The following UNC80 variants were observed in gnomAD, a reference collection of about 807,000 sequenced individuals.
UNC80 encodes the protein protein unc-80 homolog.
In UNC80, 164 loss-of-function variants were observed where a neutral mutation model predicts 384.6. The ratio of observed to expected loss-of-function variants is 0.43; its 90% CI spans 0.38 to 0.49. The LOEUF (loss-of-function observed/expected upper bound fraction) is 0.49. Among genes scored for constraint, UNC80 ranks in the 20% least tolerant of loss-of-function variants. The pLI is 0.00. For missense variants in UNC80, 3,330 were observed against 4,143.0 expected (o/e 0.80, Z 5.39); for synonymous variants, 1,486 against 1,527.8 (o/e 0.97, Z 0.64).
At chr2:209,895,042 A>G (rs2086678041) in intron 27 of UNC80, among the ~76,000 whole-genome samples, 1 of 147,464 alleles carries the variant, frequency 6.8e-6, no homozygotes, top group Non-Finnish European at 1.5e-5. Context: ...ACAATGTGTT[A>G]AACACCTGAG....
chr2:209,976,938 A>C lies in UNC80; in HGVS notation c.8798A>C (p.His2933Pro). ...CTGCTGGCCCAACCAGCAGAGAATC[A>C]TGAAGAGCTTTCCGCCCGGCAACAT... Reference protein sequence around the residue: ...CKLLAQPAENHEELSARQHIA... With the variant: ...CKLLAQPAENPEELSARQHIA... The change falls in exon 58 of 65, where the codon CAT becomes CCT. Residue 2933 changes from histidine (H) to proline (P), a missense_variant. His to Pro is a moderately conservative substitution (Grantham distance 77). Around this residue, in one of 8 missense-constraint regions of UNC80, gnomAD observed 216 missense variants for 245.3 expected, o/e 0.88. Transcript: ENST00000673920. The surrounding 1 kb of genome is among the most constrained non-coding windows in gnomAD (Gnocchi z 4.3). The C allele has an allele frequency of 3.9e-6, 6 of 1,526,276 alleles. No individual in the cohort carries two copies. Among genetic ancestry groups the C allele is most frequent in the Non-Finnish European group, 4.4e-6 (5 of 1,125,920 alleles). The allele number at this position is 1,526,276 out of a possible 1,614,324, so 94.5% of individuals were successfully genotyped here. A position where few individuals can be genotyped will look rare whatever the true frequency, so the allele number is the denominator to read the frequency against.
chr2:209,823,100 G>A (rs2080256734), intron 13 of UNC80, among the ~76,000 whole-genome samples: 1 of 152,118 alleles, frequency 6.6e-6, no homozygotes. Flanking sequence ...CAGAAGCATA[G>A]GAATTGATTA....
At chr2:209,958,056 A>C (rs1044347739) in intron 49 of UNC80, among the ~76,000 whole-genome samples, 3 of 152,194 alleles carry the variant, frequency 2.0e-5, no homozygotes, top group African/African-American at 7.2e-5. Context: ...AAAGGCAAAT[A>C]AACAATAATA....
chr2:209,834,688 T>C (rs567908033), intron 17 of UNC80, among the ~76,000 whole-genome samples: 1 of 152,334 alleles, frequency 6.6e-6, no homozygotes, highest in Non-Finnish European at 1.5e-5. Context: ...TGCTTGCAGT[T>C]AATGACTCTG....
rs562760178 is a variant in UNC80, at chr2:209,873,252, C to A, written c.3840+282C>A. 2.0e-5 allele frequency among the ~76,000 whole-genome samples: 3 copies of A among 152,276 alleles called. No homozygotes were observed. In the South Asian group the frequency reaches 6.2e-4, roughly 32 times the overall value. On this transcript the variant is annotated intron_variant, in intron 23 of 64. Coordinates refer to ENST00000673920, the MANE Select transcript of UNC80 (RefSeq NM_001371986.1). ...TATCTATTAATAGTAAGTAGAGGAA[C>A]CACTATTCCATCTCACAGATTAGAT...
intron 56 of UNC80, 60 bp downstream of exon 56, chr2:209,973,330 A>C (rs1442607489): frequency 7.2e-7 from 1 of 1,379,354 alleles, no homozygotes; most frequent in Non-Finnish European, 9.9e-7. Context: ...GTATGTGAAA[A>C]TATATGTGTA....
Position 209,813,799 on chromosome 2 carries a change from G to A in UNC80, c.1158G>A (p.Met386Ile). Reference sequence around the variant, plus strand: ...TGCCCAGACCCAGGAGTAGCTCCATGGTGGCAGCAGCTCCCTCACTAGTGA... The same window carrying A: ...TGCCCAGACCCAGGAGTAGCTCCATAGTGGCAGCAGCTCCCTCACTAGTGA... The part of the protein sequence containing the change: ...PLLPRPRSSS[M>I]VAAAPSLVNT... The change falls in exon 8 of 65, where the codon ATG becomes ATA. Residue 386 changes from methionine (M) to isoleucine (I), a missense_variant. Met to Ile is a conservative substitution (Grantham distance 10). This residue lies in a region of UNC80 where 937 missense variants were observed against 1,026.8 expected (regional missense o/e 0.91). Transcript: ENST00000673920. 1 of 1,552,148 alleles carries A rather than the reference G, an allele frequency of 6.4e-7. No individual in the cohort carries two copies. The highest frequency in any genetic ancestry group is 8.7e-7 in the Non-Finnish European group (1 of 1,147,096).
chr2:209,989,016 A>C (rs1287957860), intron 61 of UNC80, among the ~76,000 whole-genome samples: 1 of 152,146 alleles, frequency 6.6e-6, no homozygotes, highest in Non-Finnish European at 1.5e-5. Flanking sequence ...CAAGATTAAA[A>C]ATTTTAGGAA....
rs569840817 is a variant in UNC80 at position 209,979,582 on chromosome 2, G to A, written c.9118+874G>A. 8.5e-5 allele frequency among the ~76,000 whole-genome samples: 13 copies of A among 152,318 alleles called. No homozygotes were observed. The South Asian group carries it at 2.7e-3, about 32-fold the overall frequency. ...GTCAGCCCAGAAACTTCTAAGGCATGTGCTAGAGATTTGGTGTTATGACAT... is the reference window on the plus strand; with the variant it reads ...GTCAGCCCAGAAACTTCTAAGGCATATGCTAGAGATTTGGTGTTATGACAT... On this transcript the variant is annotated intron_variant, in intron 59 of 64. Coordinates refer to ENST00000673920, the MANE Select transcript of UNC80 (RefSeq NM_001371986.1).
intron 22 of UNC80, among the ~76,000 whole-genome samples, chr2:209,870,021 A>G (rs1157379683): frequency 6.6e-6 from 1 of 152,118 alleles, no homozygotes; most frequent in East Asian, 1.9e-4. Flanking sequence ...CTTACATATC[A>G]CTATTTAGAT....
intron 45 of UNC80, among the ~76,000 whole-genome samples, chr2:209,944,217 A>G (rs1427668914): frequency 1.3e-5 from 2 of 152,186 alleles, no homozygotes; most frequent in African/African-American, 2.4e-5. Context: ...TAAATATTCA[A>G]TTCATAAAAG....
chr2:209,943,131 C>G (rs13032180), intron 44 of UNC80, among the ~76,000 whole-genome samples: 1 of 152,150 alleles, frequency 6.6e-6, no homozygotes. Flanking sequence ...ATACATGTGT[C>G]TAGTCCTTTC....
At chr2:209,921,440 T>G in intron 33 of UNC80, 60 bp from the exon 34 acceptor site, 1 of 1,464,824 alleles carries the variant, frequency 6.8e-7, no homozygotes, top group Non-Finnish European at 9.1e-7. Context: ...GAACACTCTT[T>G]ATGCCTGTGA....
At position 209,845,713 on chromosome 2, in the gene UNC80, A is replaced by T. The variant is rs75970541; in HGVS notation, c.3454+3267A>T. The stretch of plus-strand genomic sequence containing the variant: ...GGGCTGGCAAGAGAATATAGCTTGT[A>T]TATCACTATTCTTTGCCTATGTTCT... On this transcript the variant is annotated intron_variant, in intron 21 of 64. Transcript: ENST00000673920. 9.0e-3 allele frequency among the ~76,000 whole-genome samples: 1,371 copies of T among 152,322 alleles called. 20 individuals carry two copies. The highest frequency in any genetic ancestry group is 0.031 in the African/African-American group (1,287 of 41,562).
intron 7 of UNC80, chr2:209,808,687 T>G: frequency 8.6e-6 from 1 of 116,292 alleles, no homozygotes. Context: ...CCTGCTCCCC[T>G]GGAGTACTTA....
intron 26 of UNC80, among the ~76,000 whole-genome samples, chr2:209,888,761 G>T (rs914924337): frequency 6.6e-6 from 1 of 151,904 alleles, no homozygotes; most frequent in Non-Finnish European, 1.5e-5. Flanking sequence ...GATTACAGGT[G>T]CCCGCCACCA....
intron 29 of UNC80, among the ~76,000 whole-genome samples, chr2:209,909,185 A>G (rs1021727818): frequency 6.6e-6 from 1 of 152,324 alleles, no homozygotes; most frequent in African/African-American, 2.4e-5. Flanking sequence ...AGTTTCTGGC[A>G]TATGGTTAAC....
At chr2:209,828,790 G>C (rs1346340295) in intron 14 of UNC80, among the ~76,000 whole-genome samples, 3 of 152,054 alleles carry the variant, frequency 2.0e-5, no homozygotes, top group Admixed American at 6.6e-5. Context: ...TCATTCCACT[G>C]TATAGACATT....
At chr2:209,972,944 G>A (rs1287921996) in intron 55 of UNC80, 120 bp from the exon 56 acceptor site, 1 of 848,476 alleles carries the variant, frequency 1.2e-6, no homozygotes, top group Non-Finnish European at 1.8e-6. Flanking sequence ...GGAAACACCT[G>A]AATTTCTAGG....
Sources: allele counts gnomAD v4.1 joint callset (sites outside exome capture counted in the v4.1 genomes callset), GRCh38; gene constraint gnomAD v4.1.1; regional missense constraint gnomAD v4.1.1; non-coding constraint Gnocchi (gnomAD v3.1); transcripts MANE v1.5; gene names NCBI Gene and HGNC (gene_info 2026-07-23, HGNC 2026-07-21).